RBFOX1: variants seen among roughly 807,000 people sequenced by gnomAD.
The protein encoded by RBFOX1 is RNA binding fox-1 homolog 1.
In RBFOX1, 8 loss-of-function variants were observed where a neutral mutation model predicts 57.7. The ratio of observed to expected loss-of-function variants is 0.14; its 90% CI spans 0.08 to 0.25. RBFOX1 has a LOEUF of 0.25. RBFOX1 is among the 10% of genes least tolerant of loss of function. RBFOX1 has a pLI of 1.00. For synonymous variants in RBFOX1, 326 were observed against 222.4 expected (o/e 1.47, Z -4.15); for missense variants, 611 against 548.5 (o/e 1.11, Z -1.14).
chr16:6,637,005 G>A (rs2098442246), intron 2 of RBFOX1, among the ~76,000 whole-genome samples: 1 of 119,804 alleles, frequency 8.3e-6, no homozygotes, highest in Non-Finnish European at 1.6e-5. Context: ...TATAAAATAT[G>A]TATAAATATG....
At chr16:6,257,733 G>A (rs986553854) in intron 1 of RBFOX1, among the ~76,000 whole-genome samples, 1 of 152,110 alleles carries the variant, frequency 6.6e-6, no homozygotes, top group African/African-American at 2.4e-5. Flanking sequence ...CTCCTTCCAT[G>A]TTCCTGAAAA....
intron 2 of RBFOX1, among the ~76,000 whole-genome samples, chr16:6,599,355 T>A (rs2097819723): frequency 1.3e-5 from 2 of 152,172 alleles, no homozygotes. Flanking sequence ...TTTGGGGAAA[T>A]TGTGACCTGG....
intron 4 of RBFOX1, among the ~76,000 whole-genome samples, chr16:7,403,086 C>G (rs182577740): frequency 3.2e-4 from 48 of 152,154 alleles, no homozygotes; most frequent in African/African-American, 1.1e-3. Flanking sequence ...TTTTATTTTC[C>G]CCCGGCTCTA....
chr16:7,505,361 G>A (rs867635829), intron 4 of RBFOX1, among the ~76,000 whole-genome samples: 1 of 152,098 alleles, frequency 6.6e-6, no homozygotes. Context: ...GTTTTCAGTG[G>A]CAAGACAGGG....
intron 3 of RBFOX1, among the ~76,000 whole-genome samples, chr16:6,727,700 C>T (rs936002159): frequency 6.6e-6 from 1 of 152,156 alleles, no homozygotes. Context: ...GTCCCTGGTA[C>T]ACCTATCAAA....
At chr16:6,681,382 A>T (rs565627375) in intron 3 of RBFOX1, among the ~76,000 whole-genome samples, 1 of 152,336 alleles carries the variant, frequency 6.6e-6, no homozygotes, top group African/African-American at 2.4e-5. Flanking sequence ...TTGGTTAAAA[A>T]GTTTGGTATC....
At chr16:7,131,269 C>G (rs1174003651) in intron 4 of RBFOX1, among the ~76,000 whole-genome samples, 1 of 149,948 alleles carries the variant, frequency 6.7e-6, no homozygotes, top group Admixed American at 6.7e-5. Flanking sequence ...TTGCTTCGAC[C>G]TGGGAAGCGG....
At chr16:6,590,678 C>G (rs576843620) in intron 2 of RBFOX1, among the ~76,000 whole-genome samples, 1 of 152,188 alleles carries the variant, frequency 6.6e-6, no homozygotes, top group Non-Finnish European at 1.5e-5. Context: ...TATTTACATG[C>G]ATACTACGAA....
At chr16:5,750,308 G>A (rs2053147000) in intron 3 of RBFOX1, among the ~76,000 whole-genome samples, 1 of 152,234 alleles carries the variant, frequency 6.6e-6, no homozygotes, top group Admixed American at 6.5e-5. Flanking sequence ...AGGCTACTCG[G>A]GGGTCAGGAA....
At chr16:5,786,698 T>G (rs1353894097) in intron 3 of RBFOX1, among the ~76,000 whole-genome samples, 1 of 152,212 alleles carries the variant, frequency 6.6e-6, no homozygotes, top group Non-Finnish European at 1.5e-5. Context: ...GCCTCTTTCC[T>G]GCTTTCACCA....
intron 3 of RBFOX1, among the ~76,000 whole-genome samples, chr16:6,719,566 G>T (rs942373295): frequency 6.6e-6 from 1 of 151,204 alleles, no homozygotes; most frequent in African/African-American, 2.4e-5. Context: ...TCAGCCTCTG[G>T]AGTAGCTGGG....
At chr16:6,475,201 A>G (rs978363909) in intron 2 of RBFOX1, among the ~76,000 whole-genome samples, 9 of 152,192 alleles carry the variant, frequency 5.9e-5, no homozygotes, top group African/African-American at 2.2e-4. Flanking sequence ...ACTTTCCACA[A>G]TAAACACTCA....
chr16:7,081,998 G>C (rs1167485242), intron 4 of RBFOX1, among the ~76,000 whole-genome samples: 2 of 152,130 alleles, frequency 1.3e-5, no homozygotes, highest in Non-Finnish European at 2.9e-5. Context: ...GAAATGAGCA[G>C]CCACGTGGCT....
At chr16:6,761,901 C>T (rs143470659) in intron 3 of RBFOX1, among the ~76,000 whole-genome samples, 3 of 152,224 alleles carry the variant, frequency 2.0e-5, no homozygotes, top group Non-Finnish European at 4.4e-5. Context: ...TCACTCTAAT[C>T]CCACATTGTC....
chr16:6,691,925 A>C (rs1315455819), intron 3 of RBFOX1, among the ~76,000 whole-genome samples: 2 of 152,170 alleles, frequency 1.3e-5, no homozygotes, highest in Non-Finnish European at 2.9e-5. Flanking sequence ...ATATGGAGGA[A>C]GGGGCCATGG....
At position 6,306,897 on chromosome 16, in the gene RBFOX1, C is replaced by G. The variant is rs970310545; in HGVS notation, c.-126-10098C>G. On this transcript the variant is annotated intron_variant, in intron 1 of 15. Coordinates refer to ENST00000550418, the MANE Select transcript of RBFOX1 (RefSeq NM_018723.4). Reference sequence around the variant, plus strand: ...GTGGAAACATGGAATTCTCTAGTTTCATGATGGGATTGGTAAAGGAAGATA... The same window carrying G: ...GTGGAAACATGGAATTCTCTAGTTTGATGATGGGATTGGTAAAGGAAGATA... Among the ~76,000 whole-genome samples the G allele has an allele frequency of 2.6e-5, 4 of 152,166 alleles. No individual in the cohort carries two copies. The East Asian group carries it at 5.8e-4, about 22-fold the overall frequency.
At chr16:7,472,877 T>G (rs1327981745) in intron 4 of RBFOX1, among the ~76,000 whole-genome samples, 2 of 152,230 alleles carry the variant, frequency 1.3e-5, no homozygotes, top group Non-Finnish European at 2.9e-5. Flanking sequence ...ATTTCTCTTA[T>G]GTATGTATTG....
chr16:5,591,334 A>G (rs1315744283), intron 2 of RBFOX1, among the ~76,000 whole-genome samples: 1 of 150,764 alleles, frequency 6.6e-6, no homozygotes, highest in African/African-American at 2.4e-5. Flanking sequence ...TCACTGCAAC[A>G]TCTGCCTCCT....
chr16:5,310,233 C>T (rs986540610), intron 1 of RBFOX1, among the ~76,000 whole-genome samples: 1 of 152,054 alleles, frequency 6.6e-6, no homozygotes, highest in African/African-American at 2.4e-5. Flanking sequence ...GAAACCCTGT[C>T]TCTACAAAAA....
Sources: gnomAD v4.1 joint callset for allele counts (sites outside exome capture counted in the v4.1 genomes callset) on GRCh38, gnomAD v4.1.1 for gene constraint, MANE v1.5 for transcripts, NCBI Gene and HGNC (gene_info 2026-07-23, HGNC 2026-07-21) for gene names.